Variants in YTHDF3 observed in about 807,000 individuals in gnomAD.
The protein encoded by YTHDF3 is YTH N6-methyladenosine RNA binding protein F3.
YTHDF3 carries 9 observed loss-of-function variants against 52.5 expected under a neutral mutation model. The observed-to-expected ratio is 0.17, with a 90% CI of 0.10 to 0.30. The LOEUF (loss-of-function observed/expected upper bound fraction) is 0.30, where lower values mean the gene tolerates loss of function less well. Among genes scored for constraint, YTHDF3 ranks in the 10% least tolerant of loss-of-function variants. The pLI, the probability that YTHDF3 is intolerant of heterozygous loss-of-function variation, is 1.00. For synonymous variants in YTHDF3, 274 were observed against 243.3 expected (o/e 1.13, Z -1.18); for missense variants, 534 against 715.0 (o/e 0.75, Z 2.89).
chr8:63,209,676 T>C lies in YTHDF3; in HGVS notation c.1735-7T>C. ...CTTTTTGTGTGTGTGTGTTTTTTTTTTTTCAGGAGAGAAATAGAAACAAAC... is the reference window on the plus strand; with the variant it reads ...CTTTTTGTGTGTGTGTGTTTTTTTTCTTTCAGGAGAGAAATAGAAACAAAC... On this transcript the variant is annotated splice_polypyrimidine_tract_variant and splice_region_variant and intron_variant, in intron 4 of 4. Coordinates refer to ENST00000539294, the MANE Select transcript of YTHDF3 (RefSeq NM_152758.6). 1 of 1,571,098 alleles carries C rather than the reference T, an allele frequency of 6.4e-7. No individual in the cohort carries two copies. Among genetic ancestry groups the C allele is most frequent in the South Asian group, 1.2e-5 (1 of 84,266 alleles).
intron 3 of YTHDF3, among the ~76,000 whole-genome samples, chr8:63,176,762 C>T (rs981564875): frequency 6.6e-6 from 1 of 152,006 alleles, no homozygotes; most frequent in African/African-American, 2.4e-5. Context: ...ACTCCAACCT[C>T]TGCCTCCCAG....
Position 63,168,867 on chromosome 8 carries a change from T to A in YTHDF3, c.-11T>A, listed in dbSNP as rs1807070234. ...GCGGCGGCGGCGGCGGCTCTCGGGT[T>A]GCGGTGAAGAATGTCAGCCACTAGC... On this transcript the variant is annotated 5_prime_UTR_variant, in exon 1 of 5. Coordinates refer to ENST00000539294, the MANE Select transcript of YTHDF3 (RefSeq NM_152758.6). 2 of 1,554,504 alleles carry A rather than the reference T, an allele frequency of 1.3e-6. No individual in the cohort carries two copies. Among genetic ancestry groups the A allele is most frequent in the South Asian group, 2.4e-5 (2 of 84,266 alleles).
In YTHDF3 at chr8:63,185,908, T is replaced by A. The variant is rs186572240; in HGVS notation, c.136-239T>A. ...AAAATAATACTCATTATACCCCCAC[T>A]CTCATCCCTGAAAAAAGCCATATAG... is the stretch of plus-strand genomic sequence containing the variant. On this transcript the variant is annotated intron_variant, in intron 3 of 4. Transcript: ENST00000539294. 1.8e-3 allele frequency among the ~76,000 whole-genome samples: 268 copies of A among 152,312 alleles called. 1 individual carries two copies. Among genetic ancestry groups the A allele is most frequent in the African/African-American group, 6.2e-3 (257 of 41,580 alleles).
intron 4 of YTHDF3, among the ~76,000 whole-genome samples, chr8:63,199,428 C>T (rs770682963): frequency 3.3e-5 from 5 of 152,110 alleles, no homozygotes; most frequent in Admixed American, 6.6e-5. Context: ...TGAAATAATT[C>T]GTTGTAAGTG....
At chr8:63,201,746 C>A (rs1366287282) in intron 4 of YTHDF3, among the ~76,000 whole-genome samples, 2 of 152,186 alleles carry the variant, frequency 1.3e-5, no homozygotes, top group African/African-American at 4.8e-5. Context: ...TAGTGAAAAT[C>A]TACAATTAGA....
chr8:63,173,202 T>TTATATATATA lies in YTHDF3; in HGVS notation c.50-2126_50-2117dup, dbSNP rs545707272. On this transcript the variant is annotated intron_variant, in intron 2 of 4. Transcript: ENST00000539294. ...AAAAATAAGAATAACAGGATTATAT[T>TTATATATATA]TATATATATATACAGATAAATTTTA... 7.7e-4 allele frequency among the ~76,000 whole-genome samples: 97 copies of TTATATATATA among 125,916 alleles called. 6 individuals are homozygous for TTATATATATA. The highest frequency in any genetic ancestry group is 3.7e-3 in the African/African-American group (91 of 24,804). The allele number at this position is 125,916 out of a possible 152,430, so 82.6% of individuals were successfully genotyped here. A position where few individuals can be genotyped will look rare whatever the true frequency, so the allele number is the denominator to read the frequency against.
At chr8:63,206,870 G>A (rs1178686084) in intron 4 of YTHDF3, among the ~76,000 whole-genome samples, 1 of 151,146 alleles carries the variant, frequency 6.6e-6, no homozygotes, top group African/African-American at 2.4e-5. Flanking sequence ...TTTTTTCCTT[G>A]TTATCTGTTT....
chr8:63,169,580 T>C, intron 2 of YTHDF3, 169 bp downstream of exon 2: 7 of 691,528 alleles, frequency 1.0e-5, no homozygotes, highest in Non-Finnish European at 1.7e-5. Flanking sequence ...ACTTCGGTAG[T>C]TCGTTGCTTT....
intron 4 of YTHDF3, among the ~76,000 whole-genome samples, chr8:63,204,513 C>T (rs1296805552): frequency 1.3e-5 from 2 of 152,036 alleles, no homozygotes; most frequent in African/African-American, 4.8e-5. Context: ...AGGCATGCGC[C>T]GCCACACCGA....
intron 2 of YTHDF3, among the ~76,000 whole-genome samples, chr8:63,171,305 T>C (rs894465526): frequency 1.3e-5 from 2 of 152,174 alleles, no homozygotes; most frequent in African/African-American, 2.4e-5. Flanking sequence ...ATAATTCCCA[T>C]AATTCCTATA....
In YTHDF3 at chr8:63,209,733, A is replaced by G; in HGVS notation, c.*27A>G. On this transcript the variant is annotated 3_prime_UTR_variant, in exon 5 of 5. Transcript: ENST00000539294. ...CGTATGAAGATGTCCTGTTAAATTTACAACACTAACGATGTAGACTCTGGA... is the reference window on the plus strand; with the variant it reads ...CGTATGAAGATGTCCTGTTAAATTTGCAACACTAACGATGTAGACTCTGGA... 1 of 1,565,804 alleles carries G rather than the reference A, an allele frequency of 6.4e-7. No individual in the cohort carries two copies. Among genetic ancestry groups the G allele is most frequent in the East Asian group, 2.3e-5 (1 of 44,316 alleles).
At chr8:63,174,857 A>G (rs185461406) in intron 2 of YTHDF3, among the ~76,000 whole-genome samples, 36 of 152,354 alleles carry the variant, frequency 2.4e-4, no homozygotes, top group Admixed American at 2.1e-3. Flanking sequence ...GACATTTACT[A>G]TAACAAATTA....
chr8:63,189,286 A>G (rs1278274734), intron 4 of YTHDF3, among the ~76,000 whole-genome samples: 1 of 152,208 alleles, frequency 6.6e-6, no homozygotes, highest in Non-Finnish European at 1.5e-5. Context: ...TCACAGGGCC[A>G]CAAGAGTCAG....
At position 63,186,882 on chromosome 8, in the gene YTHDF3, A is replaced by G. The variant is rs1032663224; in HGVS notation, c.871A>G (p.Thr291Ala). 3 of 1,613,922 alleles carry G rather than the reference A, an allele frequency of 1.9e-6. No homozygotes were observed. Among genetic ancestry groups the G allele is most frequent in the Admixed American group, 1.7e-5 (1 of 60,010 alleles). The change falls in exon 4 of 5, where the codon ACC becomes GCC. Residue 291 changes from threonine (T) to alanine (A), a missense_variant. Physicochemically the swap from Thr to Ala is moderately conservative, Grantham distance 58 (BLOSUM62 0). Around this residue, in one of 3 missense-constraint regions of YTHDF3, gnomAD observed 203 missense variants for 201.3 expected, o/e 1.01. Coordinates refer to ENST00000539294, the MANE Select transcript of YTHDF3 (RefSeq NM_152758.6). ...EKGSVVKAPP[T>A]QPVLPPQTII... ...AGGGTCAGTGGTAAAGGCTCCACCAACCCAACCAGTTCTGCCTCCTCAAAC... is the reference window on the plus strand; with the variant it reads ...AGGGTCAGTGGTAAAGGCTCCACCAGCCCAACCAGTTCTGCCTCCTCAAAC...
At chr8:63,190,309 T>G (rs1341822305) in intron 4 of YTHDF3, among the ~76,000 whole-genome samples, 1 of 152,078 alleles carries the variant, frequency 6.6e-6, no homozygotes, top group Non-Finnish European at 1.5e-5. Context: ...TGTCTTTTTT[T>G]TTTTCTACCA....
chr8:63,183,627 A>T (rs1221512900), intron 3 of YTHDF3, among the ~76,000 whole-genome samples: 2 of 152,224 alleles, frequency 1.3e-5, no homozygotes, highest in African/African-American at 4.8e-5. Context: ...GATTCCTTTC[A>T]TGTGAATATT....
At chr8:63,183,760 G>A (rs1329448906) in intron 3 of YTHDF3, among the ~76,000 whole-genome samples, 3 of 152,138 alleles carry the variant, frequency 2.0e-5, no homozygotes, top group South Asian at 2.1e-4. Context: ...TCAGCCCTCC[G>A]TATCTGCAGT....
chr8:63,209,445 A>G (rs1394917812), intron 4 of YTHDF3, among the ~76,000 whole-genome samples: 1 of 152,172 alleles, frequency 6.6e-6, no homozygotes, highest in African/African-American at 2.4e-5. Flanking sequence ...TGTGGAGAGG[A>G]TCTATACTCT....
At chr8:63,199,763 A>C (rs1425080043) in intron 4 of YTHDF3, among the ~76,000 whole-genome samples, 3 of 151,986 alleles carry the variant, frequency 2.0e-5, no homozygotes, top group African/African-American at 7.3e-5. Flanking sequence ...GTTTCTTGGA[A>C]TGGCTTAAAC....
Sources: allele counts gnomAD v4.1 joint callset (sites outside exome capture counted in the v4.1 genomes callset), GRCh38; gene constraint gnomAD v4.1.1; regional missense constraint gnomAD v4.1.1; transcripts MANE v1.5; gene names NCBI Gene and HGNC (gene_info 2026-07-23, HGNC 2026-07-21).